The following SRPK1 variants were observed in gnomAD, a reference collection of about 807,000 sequenced individuals.
SRPK1 encodes SFRS protein kinase 1.
SRPK1 carries 52 observed loss-of-function variants against 89.5 expected under a neutral mutation model. The observed-to-expected ratio is 0.58, with a 90% CI of 0.46 to 0.73. The LOEUF is 0.73. Among genes scored for constraint, SRPK1 ranks in the 30% least tolerant of loss-of-function variants. The pLI is 0.00. For synonymous variants in SRPK1, 255 were observed against 270.2 expected, an observed-to-expected ratio of 0.94 and a Z score of 0.55; for missense variants, 603 against 780.6, an observed-to-expected ratio of 0.77 and a Z score of 2.71.
chr6:35,888,860 A>C lies in SRPK1; in HGVS notation c.257T>G (p.Leu86Ter), dbSNP rs1363568394. ...FNGRYHVIRKLGWGHFSTVWL... is the reference protein window; with the variant it reads ...FNGRYHVIRK ...TACTGTTGAAAAGTGTCCCCAGCCT[A>C]ACTTTCGGATCACATGGTATCTCCC... Residue 86 changes from leucine (L) to a stop codon, truncating the protein, a stop_gained, in exon 4 of 16, where the codon TTA becomes TGA. Coordinates refer to ENST00000373825, the MANE Select transcript of SRPK1 (RefSeq NM_003137.5). LOFTEE classifies it high-confidence loss of function. 6.2e-7 allele frequency: 1 copy of C among 1,613,328 alleles called. No homozygotes were observed. The highest frequency in any genetic ancestry group is 8.5e-7 in the Non-Finnish European group (1 of 1,179,524).
intron 14 of SRPK1, among the ~76,000 whole-genome samples, chr6:35,839,457 A>G (rs1744420251): frequency 6.6e-6 from 1 of 152,262 alleles, no homozygotes; most frequent in African/African-American, 2.4e-5. Context: ...TCTTCCTAAA[A>G]TCACTTTTTA....
At chr6:35,892,053 C>T (rs1366481044) in intron 2 of SRPK1, among the ~76,000 whole-genome samples, 1 of 152,160 alleles carries the variant, frequency 6.6e-6, no homozygotes, top group Non-Finnish European at 1.5e-5. Flanking sequence ...GAATGCTTCG[C>T]TTCTAATGAT....
At chr6:35,881,233 C>T (rs1215400129) in intron 6 of SRPK1, among the ~76,000 whole-genome samples, 2 of 151,946 alleles carry the variant, frequency 1.3e-5, no homozygotes, top group Non-Finnish European at 2.9e-5. Flanking sequence ...AACAATAACA[C>T]AAAGCCAGGC....
At chr6:35,850,134 C>T (rs761939234) in intron 13 of SRPK1, among the ~76,000 whole-genome samples, 26 of 152,052 alleles carry the variant, frequency 1.7e-4, no homozygotes, top group Non-Finnish European at 3.1e-4. Context: ...TTAACTATAA[C>T]GATGTTTCTA....
intron 2 of SRPK1, among the ~76,000 whole-genome samples, chr6:35,895,489 G>C (rs1012922780): frequency 1.3e-5 from 2 of 151,234 alleles, no homozygotes; most frequent in Admixed American, 6.6e-5. Flanking sequence ...TTCCTGGCTC[G>C]TAACTCCCAC....
chr6:35,909,410 C>G (rs1267568254), intron 2 of SRPK1, among the ~76,000 whole-genome samples: 1 of 152,174 alleles, frequency 6.6e-6, no homozygotes, highest in Non-Finnish European at 1.5e-5. Context: ...CCCATTGTAT[C>G]TTGGAAGTAA....
chr6:35,906,046 C>CG (rs1289087608), intron 2 of SRPK1, among the ~76,000 whole-genome samples: 1 of 151,734 alleles, frequency 6.6e-6, no homozygotes. Context: ...ATTTCCTAGC[C>CG]GGGGGCAGAA....
At chr6:35,857,031 A>G in intron 13 of SRPK1, 1 of 440,158 alleles carries the variant, frequency 2.3e-6, no homozygotes, top group East Asian at 3.5e-5. Context: ...AACAATCTGT[A>G]GTAAGAAACT....
chr6:35,912,537 T>A (rs565925163), intron 2 of SRPK1, among the ~76,000 whole-genome samples: 6 of 152,350 alleles, frequency 3.9e-5, no homozygotes, highest in African/African-American at 1.4e-4. Context: ...AACATAACTT[T>A]TATATGCATT....
intron 7 of SRPK1, 67 bp downstream of exon 7, chr6:35,874,166 A>T (rs1582010150): frequency 7.7e-7 from 1 of 1,304,460 alleles, no homozygotes; most frequent in East Asian, 2.5e-5. Flanking sequence ...AAGTCCTGAC[A>T]CTTCAAGAAT....
chr6:35,920,706 C>T (rs537541769), intron 1 of SRPK1, 178 bp from the exon 2 acceptor site: 4 of 159,996 alleles, frequency 2.5e-5, no homozygotes, highest in South Asian at 5.3e-4. Context: ...AGAGCAGCGC[C>T]CGGGCGGGAT....
At chr6:35,920,910 CGGCGCCACCTCAGTGGAGG>C in intron 1 of SRPK1, 115 bp downstream of exon 1, 2 of 947,008 alleles carry the variant, frequency 2.1e-6, no homozygotes, top group Non-Finnish European at 3.0e-6. Flanking sequence ...GGGTGTGGGG[CGGCGCCACCTCAGTGGAGG>C]GGCGCCGCAC....
rs545691681 is a variant in SRPK1 at position 35,890,445 on chromosome 6, T to A, written c.193+450A>T. Among the ~76,000 whole-genome samples, 7 of 152,310 alleles carry A rather than the reference T, an allele frequency of 4.6e-5. No homozygotes were observed. The South Asian group carries it at 1.5e-3, about 32-fold the overall frequency. On this transcript the variant is annotated intron_variant, in intron 3 of 15. Transcript: ENST00000373825. ...TACCCAAAGACTCTAGAAAGTCTCA[T>A]CAAGAAACAGAAAAGATTAACAGGC...
rs963020029 is a variant in SRPK1 at position 35,886,930 on chromosome 6, T to A, written c.391-119A>T. ...GAAAGAGCTCACATAAATCTATTTT[T>A]AAAATATACTAAAATTTCAATAGCT... On this transcript the variant is annotated intron_variant, in intron 5 of 15. Coordinates refer to ENST00000373825, the MANE Select transcript of SRPK1 (RefSeq NM_003137.5). 31 of 601,450 alleles carry A rather than the reference T, an allele frequency of 5.2e-5. No individual in the cohort carries two copies. In the Middle Eastern group the frequency reaches 1.3e-3, roughly 25 times the overall value. 37.3% of individuals were successfully genotyped at this position (601,450 alleles called of 1,614,324 possible). A position where few individuals can be genotyped will look rare whatever the true frequency, so the allele number is the denominator to read the frequency against.
chr6:35,868,174 C>T (rs992887648), intron 12 of SRPK1, among the ~76,000 whole-genome samples: 1 of 151,950 alleles, frequency 6.6e-6, no homozygotes, highest in East Asian at 1.9e-4. Flanking sequence ...GGGATTTCTC[C>T]ATGTGGTCAG....
intron 2 of SRPK1, among the ~76,000 whole-genome samples, chr6:35,917,435 T>C (rs139963765): frequency 1.3e-5 from 2 of 152,304 alleles, no homozygotes; most frequent in Non-Finnish European, 2.9e-5. Flanking sequence ...CTCAATTCTC[T>C]TATCTGTAAA....
chr6:35,862,983 T>C (rs114825620), intron 12 of SRPK1, among the ~76,000 whole-genome samples: 4,953 of 151,202 alleles, frequency 0.033, 99 homozygotes, highest in Middle Eastern at 0.066. Context: ...TAGTGAGACC[T>C]TGTCTCTACT....
At chr6:35,908,562 A>G (rs1280320660) in intron 2 of SRPK1, among the ~76,000 whole-genome samples, 6 of 152,258 alleles carry the variant, frequency 3.9e-5, no homozygotes, top group Non-Finnish European at 7.3e-5. Context: ...GGTTATTCTG[A>G]AAGCATTCAG....
intron 2 of SRPK1, among the ~76,000 whole-genome samples, chr6:35,895,435 TTGTGTGTG>T (rs10566123): frequency 4.1e-5 from 6 of 147,952 alleles, no homozygotes; most frequent in African/African-American, 1.0e-4. Context: ...AGGCATATGC[TTGTGTGTG>T]TGTGTGTGTG....
Sources: allele counts gnomAD v4.1 joint callset (sites outside exome capture counted in the v4.1 genomes callset), GRCh38; gene constraint gnomAD v4.1.1; transcripts MANE v1.5; gene names NCBI Gene and HGNC (gene_info 2026-07-23, HGNC 2026-07-21).